STX18: variants seen among roughly 807,000 people sequenced by gnomAD.
The protein encoded by STX18 is syntaxin-18.
In STX18, 40 loss-of-function variants were observed where a neutral mutation model predicts 50.1. The ratio of observed to expected loss-of-function variants is 0.80; its 90% CI spans 0.62 to 1.04. The LOEUF (loss-of-function observed/expected upper bound fraction) is 1.04, where lower values mean the gene tolerates loss of function less well. Among genes scored for constraint, STX18 ranks in the 50% least tolerant of loss-of-function variants. The pLI, the probability that STX18 is intolerant of heterozygous loss-of-function variation, is 0.00. For missense variants in STX18, 410 were observed against 415.8 expected (o/e 0.99, Z 0.12); for synonymous variants, 158 against 151.8 (o/e 1.04, Z -0.30).
chr4:4,507,012 T>A (rs1309790733), intron 1 of STX18: 1 of 393,278 alleles, frequency 2.5e-6, no homozygotes, highest in African/African-American at 2.1e-5. Flanking sequence ...TGTATGCTAA[T>A]CTACAAATAA....
intron 1 of STX18, among the ~76,000 whole-genome samples, chr4:4,473,328 TG>T (rs2108838249): frequency 6.7e-6 from 1 of 150,228 alleles, no homozygotes; most frequent in Non-Finnish European, 1.5e-5. Flanking sequence ...AGTCTTGCTC[TG>T]TCACCAGGGC....
At chr4:4,447,592 C>CAAAAAAAAAAAAA (rs34300930) in intron 5 of STX18, among the ~76,000 whole-genome samples, 6 of 45,904 alleles carry the variant, frequency 1.3e-4, no homozygotes, top group Non-Finnish European at 1.2e-4. Flanking sequence ...CTCCGTCTCA[C>CAAAAAAAAAAAAA]AAAAAAAAAA....
intron 1 of STX18, among the ~76,000 whole-genome samples, chr4:4,496,572 C>T (rs1560193763): frequency 6.6e-6 from 1 of 152,164 alleles, no homozygotes; most frequent in Non-Finnish European, 1.5e-5. Flanking sequence ...ACTGAGCTTA[C>T]CCAAGCCTTT....
intron 1 of STX18, among the ~76,000 whole-genome samples, chr4:4,477,068 A>G (rs1353894872): frequency 2.0e-5 from 3 of 151,864 alleles, no homozygotes; most frequent in Admixed American, 2.0e-4. Flanking sequence ...CCAAAAAACC[A>G]AAACAACAAA....
In STX18 at chr4:4,425,533, G is replaced by C. The variant is rs1015995936; in HGVS notation, c.703-311C>G. The C allele has an allele frequency of 6.1e-6, 3 of 492,970 alleles. No individual in the cohort carries two copies. In the East Asian group the frequency reaches 1.0e-4, roughly 17 times the overall value. 30.5% of individuals were successfully genotyped at this position (492,970 alleles called of 1,614,324 possible). A position where few individuals can be genotyped will look rare whatever the true frequency, so the allele number is the denominator to read the frequency against. On this transcript the variant is annotated intron_variant, in intron 7 of 10. Transcript: ENST00000306200. The stretch of plus-strand genomic sequence containing the variant: ...TACCCGCTCTCCCCTGGGATCCCAC[G>C]GCCTGCTTCCTGACTCTAGTACCAT...
At chr4:4,494,805 C>T (rs927980623) in intron 1 of STX18, among the ~76,000 whole-genome samples, 1 of 152,076 alleles carries the variant, frequency 6.6e-6, no homozygotes, top group Non-Finnish European at 1.5e-5. Flanking sequence ...TCCTTAATTG[C>T]AAAAGGTCAT....
At chr4:4,475,178 G>C (rs537526490) in intron 1 of STX18, among the ~76,000 whole-genome samples, 1 of 152,126 alleles carries the variant, frequency 6.6e-6, no homozygotes, top group African/African-American at 2.4e-5. Flanking sequence ...TTATACAAGA[G>C]GTTGCAGTTA....
chr4:4,437,988 C>G (rs1725879767), intron 6 of STX18, among the ~76,000 whole-genome samples: 1 of 152,224 alleles, frequency 6.6e-6, no homozygotes, highest in Non-Finnish European at 1.5e-5. Flanking sequence ...GTTGGTTTGA[C>G]TGGCTGTGCA....
intron 5 of STX18, among the ~76,000 whole-genome samples, chr4:4,454,904 C>T (rs1726984428): frequency 6.6e-6 from 1 of 152,170 alleles, no homozygotes; most frequent in Non-Finnish European, 1.5e-5. Flanking sequence ...ATGGTAAATG[C>T]TTAGTGGTAG....
At position 4,537,161 on chromosome 4, in the gene STX18, G is replaced by A. The variant is rs370418127; in HGVS notation, c.168+4636C>T. On this transcript the variant is annotated intron_variant, in intron 1 of 10. Coordinates refer to ENST00000306200, the MANE Select transcript of STX18 (RefSeq NM_016930.4). ...ACCTTTATAAGTCAGTAAGAGAATA[G>A]AAGAGCTGCCACTATGAGGCATCTC... 3.9e-5 allele frequency among the ~76,000 whole-genome samples: 6 copies of A among 152,264 alleles called. No individual in the cohort carries two copies. The South Asian group carries it at 1.2e-3, about 32-fold the overall frequency.
At chr4:4,425,249 T>G (rs1182941535) in intron 7 of STX18, 27 bp from the exon 8 acceptor site, 4 of 1,606,454 alleles carry the variant, frequency 2.5e-6, no homozygotes, top group Non-Finnish European at 2.6e-6. Context: ...ACACTCAGGA[T>G]GACATCATAC....
At chr4:4,459,123 T>C (rs1298261297) in intron 3 of STX18, among the ~76,000 whole-genome samples, 2 of 151,724 alleles carry the variant, frequency 1.3e-5, no homozygotes, top group Non-Finnish European at 2.9e-5. Context: ...CCCCTAGATA[T>C]ATTTTTGGTT....
intron 6 of STX18, among the ~76,000 whole-genome samples, chr4:4,437,946 C>T (rs940910823): frequency 6.6e-6 from 1 of 152,222 alleles, no homozygotes; most frequent in African/African-American, 2.4e-5. Flanking sequence ...TGGTGATAGG[C>T]AGCACGTCAA....
intron 2 of STX18, among the ~76,000 whole-genome samples, chr4:4,471,411 G>A (rs879333814): frequency 3.9e-5 from 6 of 152,216 alleles, no homozygotes; most frequent in East Asian, 1.9e-4. Context: ...ATGGTACATA[G>A]AGAGATACAA....
At chr4:4,531,152 TACAC>T (rs142048912) in intron 1 of STX18, among the ~76,000 whole-genome samples, 83 of 149,676 alleles carry the variant, frequency 5.5e-4, no homozygotes, top group Non-Finnish European at 9.7e-4. Context: ...GGATAAAATT[TACAC>T]ACACACACAC....
chr4:4,443,418 C>T (rs1726222944), intron 5 of STX18, among the ~76,000 whole-genome samples: 1 of 152,196 alleles, frequency 6.6e-6, no homozygotes, highest in Admixed American at 6.5e-5. Context: ...ATCTGATAAA[C>T]ACGTACAAAA....
rs1197393137 is a variant in STX18, at chr4:4,420,084, GGAA to G, written c.955_957del (p.Phe319del). The G allele has an allele frequency of 1.2e-6, 2 of 1,613,504 alleles. No homozygotes were observed. Among genetic ancestry groups the G allele is most frequent in the Admixed American group, 1.7e-5 (1 of 59,952 alleles). Reference sequence around the variant, plus strand: ...AGCAAGGAGAAGGAGCACATCACGAGGAAGAAGAGGATCCACACGCGGAAGCCA... The same window carrying G: ...AGCAAGGAGAAGGAGCACATCACGAGGAAGAGGATCCACACGCGGAAGCCA... On this transcript the variant is annotated inframe_deletion, in exon 11 of 11. Transcript: ENST00000306200. This position sits in a 1 kb window ranked among gnomAD's most constrained non-coding sequence, Gnocchi z 4.3.
At chr4:4,459,546 T>A in intron 2 of STX18, 59 bp from the exon 3 acceptor site, 1 of 1,285,116 alleles carries the variant, frequency 7.8e-7, no homozygotes, top group Non-Finnish European at 1.1e-6. Context: ...ATAGTCTGAG[T>A]GGGATGGGAA....
intron 1 of STX18, among the ~76,000 whole-genome samples, chr4:4,525,370 A>T (rs1730702514): frequency 6.6e-6 from 1 of 152,196 alleles, no homozygotes; most frequent in Admixed American, 6.5e-5. Flanking sequence ...TTGAGGGAGA[A>T]CTGTTAATGA....
Sources: gnomAD v4.1 joint callset for allele counts (sites outside exome capture counted in the v4.1 genomes callset) on GRCh38, gnomAD v4.1.1 for gene constraint, Gnocchi (gnomAD v3.1) non-coding constraint, MANE v1.5 for transcripts, NCBI Gene and HGNC (gene_info 2026-07-23, HGNC 2026-07-21) for gene names.